Variants in GPHN observed in about 807,000 individuals in gnomAD.
The protein encoded by GPHN is gephyrin.
Under a neutral mutation model 95.5 loss-of-function variants are expected in GPHN, and 17 were observed. The observed-to-expected ratio is 0.18, with a 90% confidence interval of 0.12 to 0.27. The LOEUF (loss-of-function observed/expected upper bound fraction) is 0.27. GPHN is among the 10% of genes least tolerant of loss of function. The pLI is 1.00. For synonymous variants in GPHN, 320 were observed against 322.5 expected (o/e 0.99, Z 0.08); for missense variants, 660 against 978.1 (o/e 0.67, Z 4.34).
At chr14:67,272,633 C>T in the GPHN span, among the ~76,000 whole-genome samples, 1 of 152,074 alleles carries the variant, frequency 6.6e-6, no homozygotes, top group African/African-American at 2.4e-5. Context: ...GAAGTAGATA[C>T]TAAGTTCTAC....
chr14:67,267,015 G>A, the GPHN span, among the ~76,000 whole-genome samples: 1 of 152,076 alleles, frequency 6.6e-6, no homozygotes, highest in Non-Finnish European at 1.5e-5. Flanking sequence ...GCTGAAGCGG[G>A]AAGATCACTT....
chr14:67,214,540 C>T, the GPHN span, among the ~76,000 whole-genome samples: 1 of 152,146 alleles, frequency 6.6e-6, no homozygotes, highest in South Asian at 2.1e-4. Flanking sequence ...TGTTTTGGTA[C>T]CAGTACCATG....
intron 1 of GPHN, among the ~76,000 whole-genome samples, chr14:66,540,062 A>G (rs7149668): frequency 0.31 from 47,336 of 152,184 alleles, 11,190 homozygotes; most frequent in African/African-American, 0.64. Context: ...ATGCTGCATA[A>G]CAAATGACCT....
intron 5 of GPHN, among the ~76,000 whole-genome samples, chr14:66,900,103 C>T (rs909771469): frequency 1.3e-5 from 2 of 151,894 alleles, no homozygotes; most frequent in Non-Finnish European, 2.9e-5. Flanking sequence ...TGTATTAATA[C>T]GCCTGTTTCA....
the GPHN span, chr14:67,411,922 C>G: frequency 8.6e-7 from 1 of 1,157,410 alleles, no homozygotes; most frequent in African/African-American, 1.6e-5. Context: ...GGAACCAGAG[C>G]ATGCCCGTTC....
rs557194607 is a variant in GPHN, at chr14:66,694,835, A to G, written c.143+13650A>G. On this transcript the variant is annotated intron_variant, in intron 2 of 22. Transcript: ENST00000478722. ...ATGTACTATTACTTAAAAATATACA[A>G]GAACTCCTAAAACTCAGCAATAAGA... is the stretch of plus-strand genomic sequence containing the variant. 9.8e-5 allele frequency among the ~76,000 whole-genome samples: 15 copies of G among 152,344 alleles called. No individual in the cohort carries two copies. The South Asian group carries it at 3.1e-3, about 32-fold the overall frequency.
chr14:66,742,426 A>G (rs1259577248), intron 2 of GPHN, among the ~76,000 whole-genome samples: 1 of 152,166 alleles, frequency 6.6e-6, no homozygotes, highest in Non-Finnish European at 1.5e-5. Context: ...GGAGACCATT[A>G]TATTGAAGAT....
chr14:66,999,196 T>A (rs1366501421), intron 9 of GPHN, among the ~76,000 whole-genome samples: 1 of 151,986 alleles, frequency 6.6e-6, no homozygotes, highest in African/African-American at 2.4e-5. Flanking sequence ...TATTTTCACT[T>A]CATCCATTTA....
intron 3 of GPHN, among the ~76,000 whole-genome samples, chr14:66,802,667 G>A (rs1196940355): frequency 1.3e-5 from 2 of 152,136 alleles, no homozygotes; most frequent in African/African-American, 2.4e-5. Flanking sequence ...TTAGTTTGCA[G>A]TTGATGAATC....
At chr14:67,570,374 AT>A in the GPHN span, 3 of 804,992 alleles carry the variant, frequency 3.7e-6, no homozygotes, top group Non-Finnish European at 4.5e-6. Context: ...ACGTCACTAC[AT>A]TTTAAAAACA....
the GPHN span, among the ~76,000 whole-genome samples, chr14:67,604,437 A>G: frequency 6.6e-6 from 1 of 152,154 alleles, no homozygotes; most frequent in Non-Finnish European, 1.5e-5. Context: ...GCTCATGCCT[A>G]TAATCCCAGC....
chr14:66,522,771 T>C lies in GPHN; in HGVS notation c.64+14180T>C, dbSNP rs188643500. Among the ~76,000 whole-genome samples the C allele has an allele frequency of 2.0e-5, 3 of 150,536 alleles. No homozygotes were observed. The East Asian group carries it at 5.9e-4, about 30-fold the overall frequency. ...ACCTTTAAAATATATAATTTTTTTTTCTAATCACCACCTCTTTTTTTGTTT... is the reference window on the plus strand; with the variant it reads ...ACCTTTAAAATATATAATTTTTTTTCCTAATCACCACCTCTTTTTTTGTTT... On this transcript the variant is annotated intron_variant, in intron 1 of 22. Transcript: ENST00000478722.
At position 67,140,095 on chromosome 14, in the gene GPHN, A is replaced by G. The variant is rs530966706; in HGVS notation, c.1749-3267A>G. Among the ~76,000 whole-genome samples, 177 of 151,804 alleles carry G rather than the reference A, an allele frequency of 1.2e-3. 2 individuals are homozygous for G. The highest frequency in any genetic ancestry group is 4.1e-3 in the African/African-American group (168 of 41,092). On this transcript the variant is annotated intron_variant, in intron 17 of 22. Coordinates refer to ENST00000478722, the MANE Select transcript of GPHN (RefSeq NM_020806.5). ...ATGTTTCCCAGATAACATGAAAATA[A>G]TGAGTAAGGCTGGCACGGCGGCTCA...
At chr14:66,962,818 T>C (rs1567157037) in intron 8 of GPHN, among the ~76,000 whole-genome samples, 1 of 151,874 alleles carries the variant, frequency 6.6e-6, no homozygotes, top group East Asian at 1.9e-4. Context: ...GATTTGCCTC[T>C]TTTTTCTCTA....
At chr14:67,077,558 C>T (rs2076544463) in intron 11 of GPHN, among the ~76,000 whole-genome samples, 1 of 152,136 alleles carries the variant, frequency 6.6e-6, no homozygotes, top group African/African-American at 2.4e-5. Context: ...GAGCTCAATG[C>T]TCACAAATCA....
At chr14:66,623,654 T>C (rs947167586) in intron 1 of GPHN, among the ~76,000 whole-genome samples, 2 of 150,680 alleles carry the variant, frequency 1.3e-5, no homozygotes, top group Non-Finnish European at 1.5e-5. Flanking sequence ...GTCATGCTTA[T>C]TGGTGTATGT....
At chr14:66,756,260 CATTT>C (rs1216574300) in intron 2 of GPHN, among the ~76,000 whole-genome samples, 1 of 152,090 alleles carries the variant, frequency 6.6e-6, no homozygotes, top group African/African-American at 2.4e-5. Flanking sequence ...TAACAGCTAT[CATTT>C]ATTTAATGCT....
intron 9 of GPHN, among the ~76,000 whole-genome samples, chr14:66,982,426 G>T (rs1164231402): frequency 6.6e-6 from 1 of 152,080 alleles, no homozygotes; most frequent in African/African-American, 2.4e-5. Flanking sequence ...AATCACTGAG[G>T]ATAGTTTCCC....
At chr14:66,864,997 G>T (rs2153523425) in intron 4 of GPHN, among the ~76,000 whole-genome samples, 1 of 152,250 alleles carries the variant, frequency 6.6e-6, no homozygotes, top group East Asian at 1.9e-4. Context: ...CATTATGTTT[G>T]TGAAGCCAGG....
Sources: allele counts gnomAD v4.1 joint callset (sites outside exome capture counted in the v4.1 genomes callset), GRCh38; gene constraint gnomAD v4.1.1; transcripts MANE v1.5; gene names NCBI Gene and HGNC (gene_info 2026-07-23, HGNC 2026-07-21).